MRE11: variants seen among roughly 807,000 people sequenced by gnomAD.
The protein encoded by MRE11 is double-strand break repair protein MRE11.
MRE11 carries 62 observed loss-of-function variants against 91.7 expected under a neutral mutation model. The ratio of observed to expected loss-of-function variants is 0.68; its 90% CI spans 0.55 to 0.84. The LOEUF (loss-of-function observed/expected upper bound fraction) is 0.84. Among genes scored for constraint, MRE11 ranks in the 40% least tolerant of loss-of-function variants. The pLI, the probability that MRE11 is intolerant of heterozygous loss-of-function variation, is 0.00. For missense variants in MRE11, 796 were observed against 852.9 expected (o/e 0.93, Z 0.83); for synonymous variants, 273 against 271.4 (o/e 1.01, Z -0.06).
intron 12 of MRE11, among the ~76,000 whole-genome samples, chr11:94,459,988 G>T (rs1946373150): frequency 6.6e-6 from 1 of 152,150 alleles, no homozygotes; most frequent in Admixed American, 6.6e-5. Flanking sequence ...ATCCAGGTGG[G>T]CCCAGTGTAA....
At chr11:94,426,059 G>C (rs1182206441) in intron 19 of MRE11, among the ~76,000 whole-genome samples, 1 of 152,112 alleles carries the variant, frequency 6.6e-6, no homozygotes, top group Non-Finnish European at 1.5e-5. Flanking sequence ...CATATTCTAA[G>C]ATAGATCACG....
At chr11:94,455,065 T>C (rs1459575142) in intron 14 of MRE11, among the ~76,000 whole-genome samples, 1 of 152,204 alleles carries the variant, frequency 6.6e-6, no homozygotes, top group Non-Finnish European at 1.5e-5. Context: ...ACAGTGATTC[T>C]GATGTGTTGC....
intron 18 of MRE11, among the ~76,000 whole-genome samples, chr11:94,431,729 T>C (rs568615446): frequency 2.6e-5 from 4 of 152,238 alleles, no homozygotes; most frequent in East Asian, 1.9e-4. Flanking sequence ...CCTGGGGAAG[T>C]TGTGAGCACC....
At chr11:94,458,768 T>A (rs568916536) in intron 13 of MRE11, among the ~76,000 whole-genome samples, 5 of 152,306 alleles carry the variant, frequency 3.3e-5, no homozygotes, top group Admixed American at 3.3e-4. Context: ...TTGATTATCC[T>A]AGGCTAAACA....
upstream of MRE11, chr11:94,497,328 G>C: frequency 2.8e-6 from 1 of 356,056 alleles, no homozygotes; most frequent in Non-Finnish European, 5.0e-6. Flanking sequence ...CTCTTTTATA[G>C]AGTAAGAAAT....
chr11:94,458,951 C>A (rs573107978), intron 13 of MRE11, among the ~76,000 whole-genome samples: 9 of 152,168 alleles, frequency 5.9e-5, no homozygotes, highest in South Asian at 2.1e-4. Context: ...ATGTCAATAT[C>A]TTTTAATTTT....
At chr11:94,423,639 G>GA (rs2134752900) in intron 19 of MRE11, among the ~76,000 whole-genome samples, 1 of 152,342 alleles carries the variant, frequency 6.6e-6, no homozygotes, top group Admixed American at 6.5e-5. Context: ...TGCCCTGCAG[G>GA]AATGTGTGCA....
At position 94,420,188 on chromosome 11, in the gene MRE11, T is replaced by C; in HGVS notation, c.2071-7A>G. 1.9e-6 allele frequency: 3 copies of C among 1,585,562 alleles called. No individual in the cohort carries two copies. The highest frequency in any genetic ancestry group is 3.3e-4 in the Middle Eastern group (2 of 5,998). On this transcript the variant is annotated splice_polypyrimidine_tract_variant and splice_region_variant and intron_variant, in intron 19 of 19. Coordinates refer to ENST00000323929, the MANE Select transcript of MRE11 (RefSeq NM_005591.4). ...AAGGATCATCATCATCATCCTGAAA[T>C]GAGATACAAATGTTGTATTAGTGAT...
At chr11:94,484,750 C>CA (rs1230852368) in intron 4 of MRE11, among the ~76,000 whole-genome samples, 64 of 152,248 alleles carry the variant, frequency 4.2e-4, no homozygotes, top group Non-Finnish European at 6.9e-4. Context: ...CCAATCTAAT[C>CA]ATAGAAAGCA....
At chr11:94,507,803 C>T in the MRE11 span, among the ~76,000 whole-genome samples, 17 of 151,834 alleles carry the variant, frequency 1.1e-4, no homozygotes, top group Non-Finnish European at 2.2e-4. Flanking sequence ...TGAAGTGCTT[C>T]ATCTTTCTCC....
rs149208652 is a variant in MRE11 at position 94,419,128 on chromosome 11, T to C, written c.*997A>G. On this transcript the variant is annotated 3_prime_UTR_variant, in exon 20 of 20. Transcript: ENST00000323929. Reference sequence around the variant, plus strand: ...TTAACTTAAATCTGAAGATGTCTAATTCTTATTTCTCCCCGAAAACAAGTA... The same window carrying C: ...TTAACTTAAATCTGAAGATGTCTAACTCTTATTTCTCCCCGAAAACAAGTA... 498 of 232,628 alleles carry C rather than the reference T, an allele frequency of 2.1e-3. 3 individuals are homozygous for C. Among genetic ancestry groups the C allele is most frequent in the African/African-American group, 0.01 (462 of 45,444 alleles). The allele number at this position is 232,628 out of a possible 1,614,324, so 14.4% of individuals were successfully genotyped here.
intron 14 of MRE11, among the ~76,000 whole-genome samples, chr11:94,454,898 T>A (rs1459639719): frequency 1.3e-5 from 2 of 152,230 alleles, no homozygotes; most frequent in Non-Finnish European, 2.9e-5. Flanking sequence ...AGCATTATTC[T>A]TGCAATTTGG....
chr11:94,422,703 G>A (rs1422771863), intron 19 of MRE11, among the ~76,000 whole-genome samples: 1 of 152,010 alleles, frequency 6.6e-6, no homozygotes, highest in Non-Finnish European at 1.5e-5. Context: ...TCAAAGGAAG[G>A]TTATCAATGA....
chr11:94,447,823 G>A (rs1945980916), intron 14 of MRE11, among the ~76,000 whole-genome samples: 1 of 151,882 alleles, frequency 6.6e-6, no homozygotes, highest in South Asian at 2.1e-4. Flanking sequence ...GTGACAAAGA[G>A]AGACCCTGTC....
intron 16 of MRE11, among the ~76,000 whole-genome samples, chr11:94,442,328 A>G (rs967914915): frequency 6.6e-6 from 1 of 152,206 alleles, no homozygotes; most frequent in African/African-American, 2.4e-5. Context: ...AAAAACAAAA[A>G]CCAACAAGCT....
intron 16 of MRE11, among the ~76,000 whole-genome samples, chr11:94,444,129 G>A (rs114226305): frequency 2.0e-5 from 3 of 151,876 alleles, no homozygotes; most frequent in African/African-American, 4.8e-5. Flanking sequence ...GACTGGTTTC[G>A]ATCTCCTGAG....
chr11:94,437,508 C>T lies in MRE11; in HGVS notation c.1868-273G>A, dbSNP rs500558. Among the ~76,000 whole-genome samples the T allele has an allele frequency of 0.47, 70,977 of 151,954 alleles. 16,745 individuals are homozygous for T. Among genetic ancestry groups the T allele is most frequent in the South Asian group, 0.61 (2,919 of 4,824 alleles). On this transcript the variant is annotated intron_variant, in intron 16 of 19. Coordinates refer to ENST00000323929, the MANE Select transcript of MRE11 (RefSeq NM_005591.4). ...ACACTAAAAATATTTCATAGAAAAACACCTGAAGGATAAAATCTAATCACC... is the reference window on the plus strand; with the variant it reads ...ACACTAAAAATATTTCATAGAAAAATACCTGAAGGATAAAATCTAATCACC...
At chr11:94,470,688 C>T in intron 8 of MRE11, 46 bp from the exon 9 acceptor site, 1 of 1,597,278 alleles carries the variant, frequency 6.3e-7, no homozygotes, top group Non-Finnish European at 8.6e-7. Context: ...TAAATTTCCT[C>T]AGGGTGATGT....
At chr11:94,423,534 C>A (rs1945229682) in intron 19 of MRE11, among the ~76,000 whole-genome samples, 1 of 152,244 alleles carries the variant, frequency 6.6e-6, no homozygotes, top group Non-Finnish European at 1.5e-5. Context: ...AATGCTGGGG[C>A]AGGCCAGCCT....
Sources: gnomAD v4.1 joint callset for allele counts (sites outside exome capture counted in the v4.1 genomes callset) on GRCh38, gnomAD v4.1.1 for gene constraint, MANE v1.5 for transcripts, NCBI Gene and HGNC (gene_info 2026-07-23, HGNC 2026-07-21) for gene names.